Variants in NCAPH2 observed in about 807,000 individuals in gnomAD.
The protein encoded by NCAPH2 is condensin-2 complex subunit H2.
In NCAPH2, 56 loss-of-function variants were observed where a neutral mutation model predicts 88.6. The observed-to-expected ratio is 0.63, with a 90% CI of 0.51 to 0.79. NCAPH2 has a LOEUF of 0.79. Among genes scored for constraint, NCAPH2 ranks in the 30% least tolerant of loss-of-function variants. The pLI is 0.00. For synonymous variants in NCAPH2, 378 were observed against 313.6 expected, an observed-to-expected ratio of 1.21 and a Z score of -2.17; for missense variants, 794 against 792.0, an observed-to-expected ratio of 1.00 and a Z score of -0.03.
intron 1 of NCAPH2, among the ~76,000 whole-genome samples, chr22:50,511,962 A>G (rs1243986688): frequency 6.6e-6 from 1 of 151,924 alleles, no homozygotes; most frequent in East Asian, 1.9e-4. Flanking sequence ...TAATTTTTGT[A>G]TTTTTAGTAG....
In NCAPH2 at chr22:50,521,567, C is replaced by G. The variant is rs2069097489; in HGVS notation, c.958C>G (p.Leu320Val). 1 of 1,613,654 alleles carries G rather than the reference C, an allele frequency of 6.2e-7. No homozygotes were observed. The highest frequency in any genetic ancestry group is 2.2e-5 in the East Asian group (1 of 44,894). ...VKETPDPWQS[L>V]DPFDSLESKP... The stretch of plus-strand genomic sequence containing the variant: ...GGAGACTCCAGACCCCTGGCAGAGC[C>G]TGGACCCCTTTGACTCCTTGGAGTC... The change falls in exon 11 of 20, where the codon CTG becomes GTG. Residue 320 changes from leucine to valine, a missense_variant. Physicochemically the swap from Leu to Val is conservative, Grantham distance 32 (BLOSUM62 1). Coordinates refer to ENST00000420993, the MANE Select transcript of NCAPH2 (RefSeq NM_152299.4).
At chr22:50,518,558 G>A (rs566312846) in intron 7 of NCAPH2, 91 bp from the exon 8 acceptor site, 3 of 1,328,800 alleles carry the variant, frequency 2.3e-6, no homozygotes, top group African/African-American at 2.9e-5. Context: ...CTGCCCTCCT[G>A]CTGGCCCCTT....
chr22:50,522,173 G>T lies in NCAPH2; in HGVS notation c.1163-8G>T, dbSNP rs753697983. Reference sequence around the variant, plus strand: ...ACGAGGGAGCCCTCACAAGGCCTTTGTCTGCAGACATGGAGGTCCTGTACT... The same window carrying T: ...ACGAGGGAGCCCTCACAAGGCCTTTTTCTGCAGACATGGAGGTCCTGTACT... On this transcript the variant is annotated splice_region_variant and splice_polypyrimidine_tract_variant and intron_variant, in intron 13 of 19. Coordinates refer to ENST00000420993, the MANE Select transcript of NCAPH2 (RefSeq NM_152299.4). The T allele has an allele frequency of 1.2e-6, 2 of 1,612,944 alleles. No homozygotes were observed. The highest frequency in any genetic ancestry group is 1.7e-6 in the Non-Finnish European group (2 of 1,179,356).
Position 50,523,831 on chromosome 22 carries a change from G to A in NCAPH2, c.*456G>A. 6.2e-7 allele frequency: 1 copy of A among 1,614,060 alleles called. No homozygotes were observed. On this transcript the variant is annotated 3_prime_UTR_variant, in exon 20 of 20. Coordinates refer to ENST00000420993, the MANE Select transcript of NCAPH2 (RefSeq NM_152299.4). ...ACTAGCCTGGGCAACCTGTTTGGTG[G>A]AGCCGGTCAGACCCAACAGTCTTGG... is the stretch of plus-strand genomic sequence containing the variant.
intron 1 of NCAPH2, among the ~76,000 whole-genome samples, chr22:50,515,537 C>T (rs2068891892): frequency 6.6e-6 from 1 of 152,140 alleles, no homozygotes; most frequent in African/African-American, 2.4e-5. Flanking sequence ...GCTGGGACTA[C>T]AGGCGCCCGC....
At position 50,522,589 on chromosome 22, in the gene NCAPH2, G is replaced by C. The variant is rs1360537154; in HGVS notation, c.1375+20G>C. ...ACCTTGGTAGGTGGGCAGCGGGCTA[G>C]GAGTGCTGAGGGGCCACTGGAGCTG... is the stretch of plus-strand genomic sequence containing the variant. On this transcript the variant is annotated intron_variant, in intron 16 of 19. Transcript: ENST00000420993. 6.2e-7 allele frequency: 1 copy of C among 1,613,646 alleles called. No individual in the cohort carries two copies.
chr22:50,521,668 AGGTG>A (rs1367780224), intron 11 of NCAPH2, 59 bp downstream of exon 11: 10 of 1,482,536 alleles, frequency 6.7e-6, no homozygotes, highest in Middle Eastern at 1.7e-4. Flanking sequence ...CTGGGGCATG[AGGTG>A]GGGGGGTGGG....
intron 1 of NCAPH2, among the ~76,000 whole-genome samples, chr22:50,515,289 G>A (rs967088029): frequency 6.6e-6 from 1 of 152,212 alleles, no homozygotes; most frequent in South Asian, 2.1e-4. Context: ...GGCTGGGCAC[G>A]GTGGTGCATG....
intron 8 of NCAPH2, 142 bp downstream of exon 8, chr22:50,518,874 C>T (rs1020911480): frequency 1.6e-5 from 14 of 889,942 alleles, no homozygotes; most frequent in African/African-American, 6.8e-5. Flanking sequence ...AGTGAGGCCT[C>T]GCCCCGGGGA....
intron 1 of NCAPH2, among the ~76,000 whole-genome samples, chr22:50,510,025 C>T (rs2068742392): frequency 6.6e-6 from 1 of 152,134 alleles, no homozygotes; most frequent in African/African-American, 2.4e-5. Flanking sequence ...CCTGGGTTCA[C>T]ATCATTCTGC....
Position 50,522,164 on chromosome 22 carries a change from A to T in NCAPH2, c.1163-17A>T. On this transcript the variant is annotated splice_polypyrimidine_tract_variant and intron_variant, in intron 13 of 19. Coordinates refer to ENST00000420993, the MANE Select transcript of NCAPH2 (RefSeq NM_152299.4). ...CTGGGAAGGACGAGGGAGCCCTCAC[A>T]AGGCCTTTGTCTGCAGACATGGAGG... 6.2e-7 allele frequency: 1 copy of T among 1,612,350 alleles called. No individual in the cohort carries two copies. The highest frequency in any genetic ancestry group is 8.5e-7 in the Non-Finnish European group (1 of 1,179,000).
Position 50,524,103 on chromosome 22 carries a change from G to A in NCAPH2, c.*728G>A. The A allele has an allele frequency of 6.2e-7, 1 of 1,613,000 alleles. No homozygotes were observed. The highest frequency in any genetic ancestry group is 8.5e-7 in the Non-Finnish European group (1 of 1,180,024). On this transcript the variant is annotated 3_prime_UTR_variant, in exon 20 of 20. Coordinates refer to ENST00000420993, the MANE Select transcript of NCAPH2 (RefSeq NM_152299.4). ...GGCCTCTGTGATCCAGCAGGTGGAAGTCGCCCTGGCCCACAGCTGCCTGGC... is the reference window on the plus strand; with the variant it reads ...GGCCTCTGTGATCCAGCAGGTGGAAATCGCCCTGGCCCACAGCTGCCTGGC...
intron 1 of NCAPH2, among the ~76,000 whole-genome samples, chr22:50,513,017 G>T (rs1354091360): frequency 6.6e-6 from 1 of 152,220 alleles, no homozygotes; most frequent in Non-Finnish European, 1.5e-5. Context: ...ATGGGAAGAC[G>T]GGTCCAAGAG....
At chr22:50,509,946 T>G (rs2148654482) in intron 1 of NCAPH2, among the ~76,000 whole-genome samples, 1 of 152,330 alleles carries the variant, frequency 6.6e-6, no homozygotes, top group East Asian at 1.9e-4. Context: ...ATTTATATAT[T>G]TTGAGACGGA....
rs147011565 is a variant in NCAPH2, at chr22:50,521,027, C to G, written c.924C>G (p.Ser308=). 934 of 1,550,522 alleles carry G rather than the reference C, an allele frequency of 6.0e-4. 6 individuals carry two copies. In the African/African-American group the frequency reaches 0.012, roughly 20 times the overall value. ...REREGAPEPA[S]CVKETPDPWQ... is the part of the protein sequence containing the mutation. ...GGGAGGGGGCCCCAGAGCCTGCATC[C>G]TGCGTGAAGGTAGGAGTGTTGGGGC... is the stretch of plus-strand genomic sequence containing the variant. Residue 308 remains serine, a synonymous_variant, in exon 10 of 20, where the codon TCC becomes TCG. Coordinates refer to ENST00000420993, the MANE Select transcript of NCAPH2 (RefSeq NM_152299.4).
intron 2 of NCAPH2, 50 bp from the exon 3 acceptor site, chr22:50,517,377 G>C (rs1201440307): frequency 6.3e-6 from 10 of 1,598,566 alleles, no homozygotes; most frequent in South Asian, 1.1e-5. Context: ...GAAGGCCTTG[G>C]GGGTGGGCCC....
At chr22:50,508,484 G>A in intron 1 of NCAPH2, 39 bp downstream of exon 1, 1 of 1,192,188 alleles carries the variant, frequency 8.4e-7, no homozygotes, top group Non-Finnish European at 1.1e-6. Context: ...TGGGCCGGCG[G>A]GTGGGGCTGC....
rs1021772265 is a variant in NCAPH2, at chr22:50,524,713, T to C, written c.*1338T>C. On this transcript the variant is annotated 3_prime_UTR_variant, in exon 20 of 20. Coordinates refer to ENST00000420993, the MANE Select transcript of NCAPH2 (RefSeq NM_152299.4). ...GTGAACCTCTTGCTGACGGAAAGCA[T>C]TCCAAGTGCATGCCTTGCCTGAACT... 4 of 617,082 alleles carry C rather than the reference T, an allele frequency of 6.5e-6. No homozygotes were observed. In the African/African-American group the frequency reaches 7.3e-5, roughly 11 times the overall value. The allele number at this position is 617,082 out of a possible 1,614,324, so 38.2% of individuals were successfully genotyped here.
chr22:50,518,029 G>A lies in NCAPH2; in HGVS notation c.477G>A (p.Glu159=). 1.2e-6 allele frequency: 2 copies of A among 1,614,096 alleles called. No homozygotes were observed. Among genetic ancestry groups the A allele is most frequent in the Non-Finnish European group, 1.7e-6 (2 of 1,179,998 alleles). The part of the protein sequence containing the change: ...PMALVAPDEM[E]KNNNPLYSRQ... The stretch of plus-strand genomic sequence containing the variant: ...CCCTGGTGGCCCCTGATGAAATGGA[G>A]AAGAACAACAATCCCCTGTACAGGT... Residue 159 remains glutamate, a synonymous_variant, in exon 6 of 20, where the codon GAG becomes GAA. Coordinates refer to ENST00000420993, the MANE Select transcript of NCAPH2 (RefSeq NM_152299.4).
Sources: gnomAD v4.1 joint callset for allele counts (sites outside exome capture counted in the v4.1 genomes callset) on GRCh38, gnomAD v4.1.1 for gene constraint, MANE v1.5 for transcripts, NCBI Gene and HGNC (gene_info 2026-07-23, HGNC 2026-07-21) for gene names.